LCOR: variants seen among roughly 807,000 people sequenced by gnomAD.
LCOR encodes the protein ligand-dependent corepressor.
A neutral mutation model predicts 64.4 loss-of-function variants in LCOR; 14 were observed. The ratio of observed to expected loss-of-function variants is 0.22; its 90% CI spans 0.14 to 0.34. The LOEUF is 0.34. LCOR is among the 10% of genes least tolerant of loss of function. The probability of loss-of-function intolerance (pLI) is 1.00; values close to 1 mark genes in which losing one functional copy is unlikely to be tolerated. For missense variants in LCOR, 1,686 were observed against 1,765.3 expected, an observed-to-expected ratio of 0.96 and a Z score of 0.80; for synonymous variants, 643 against 642.5, an observed-to-expected ratio of 1.00 and a Z score of -0.01.
At chr10:96,867,754 T>C (rs1845998417) in intron 2 of LCOR, among the ~76,000 whole-genome samples, 1 of 152,102 alleles carries the variant, frequency 6.6e-6, no homozygotes. Flanking sequence ...TAGATATATA[T>C]TTAATCTACT....
At chr10:96,851,473 T>C (rs1349834465) in intron 2 of LCOR, among the ~76,000 whole-genome samples, 1 of 152,176 alleles carries the variant, frequency 6.6e-6, no homozygotes, top group African/African-American at 2.4e-5. Context: ...ATAGTGACGA[T>C]GAAGATGGTG....
intron 2 of LCOR, among the ~76,000 whole-genome samples, chr10:96,852,527 A>T (rs1845737526): frequency 6.6e-6 from 1 of 152,256 alleles, no homozygotes; most frequent in South Asian, 2.1e-4. Context: ...TCCCCAAGAT[A>T]TCTCATTATG....
chr10:96,911,368 G>T (rs1421504770), intron 4 of LCOR, among the ~76,000 whole-genome samples: 1 of 152,088 alleles, frequency 6.6e-6, no homozygotes, highest in African/African-American at 2.4e-5. Flanking sequence ...AGAGTGCTGG[G>T]ATTACAGCGT....
At chr10:96,873,397 C>T (rs897778839) in intron 2 of LCOR, among the ~76,000 whole-genome samples, 16 of 152,054 alleles carry the variant, frequency 1.1e-4, no homozygotes, top group African/African-American at 3.9e-4. Context: ...CTTTTCATCA[C>T]TTTTTCCCTG....
Position 96,985,103 on chromosome 10 carries a change from A to G in LCOR, c.4643A>G (p.His1548Arg), listed in dbSNP as rs780043272. 1 of 1,604,802 alleles carries G rather than the reference A, an allele frequency of 6.2e-7. No individual in the cohort carries two copies. Among genetic ancestry groups the G allele is most frequent in the Admixed American group, 1.7e-5 (1 of 57,502 alleles). The change falls in exon 8 of 8, where the codon CAC becomes CGC. Residue 1548 changes from histidine to arginine, a missense_variant. Physicochemically the swap from His to Arg is conservative, Grantham distance 29. Transcript: ENST00000421806. ...RKLKAKLDCS[H>R]SKRRRLDAK ...CTGAAGGCAAAGCTGGACTGTTCGC[A>G]CAGCAAACGGAGGCGGCTGGATGCA...
rs374809805 is a variant in LCOR at position 96,982,587 on chromosome 10, T to C, written c.2127T>C (p.Ser709=). 15 of 1,614,152 alleles carry C rather than the reference T, an allele frequency of 9.3e-6. No homozygotes were observed. The highest frequency in any genetic ancestry group is 1.3e-5 in the Non-Finnish European group (15 of 1,180,028). ...GTCCTCAGTGCTCAGAAAATCAGAG[T>C]TCCCCAATGGGCTTGGAGCCCCCCA... is the stretch of plus-strand genomic sequence containing the variant. ...EESPQCSENQ[S]SPMGLEPPMS... Residue 709 remains serine, a synonymous_variant, in exon 8 of 8, where the codon AGT becomes AGC. Transcript: ENST00000421806.
chr10:96,862,090 ATTACAAAG>A (rs1845896723), intron 2 of LCOR, among the ~76,000 whole-genome samples: 1 of 152,196 alleles, frequency 6.6e-6, no homozygotes, highest in South Asian at 2.1e-4. Flanking sequence ...TATAAATGAT[ATTACAAAG>A]ATACAGGTGA....
intron 2 of LCOR, among the ~76,000 whole-genome samples, chr10:96,887,707 G>T (rs1182840274): frequency 1.3e-5 from 2 of 150,182 alleles, no homozygotes; most frequent in African/African-American, 2.5e-5. Context: ...AATTGAGACG[G>T]AGTTTTACTC....
At chr10:96,879,811 C>T (rs760460694) in intron 2 of LCOR, among the ~76,000 whole-genome samples, 13 of 152,086 alleles carry the variant, frequency 8.5e-5, no homozygotes, top group African/African-American at 2.4e-4. Context: ...TACAGGCGTG[C>T]GCCACCATGC....
chr10:96,923,858 T>C (rs1847122692), intron 4 of LCOR, among the ~76,000 whole-genome samples: 1 of 152,176 alleles, frequency 6.6e-6, no homozygotes, highest in Non-Finnish European at 1.5e-5. Flanking sequence ...ACAGGCTGTT[T>C]TTATAATACC....
chr10:96,877,331 C>T (rs1199767237), intron 2 of LCOR, among the ~76,000 whole-genome samples: 1 of 152,008 alleles, frequency 6.6e-6, no homozygotes, highest in Non-Finnish European at 1.5e-5. Context: ...CAAGACCAGA[C>T]TGGGCAACAT....
At chr10:96,858,656 T>C (rs1845841270) in intron 2 of LCOR, among the ~76,000 whole-genome samples, 1 of 152,222 alleles carries the variant, frequency 6.6e-6, no homozygotes, top group South Asian at 2.1e-4. Flanking sequence ...TTGGGGATGA[T>C]CATAATGTGG....
At position 96,833,158 on chromosome 10, in the gene LCOR, A is replaced by AG. The variant is rs1845376055; in HGVS notation, c.-403-243dup. 5.1e-6 allele frequency: 5 copies of AG among 971,282 alleles called. No individual in the cohort carries two copies. In the South Asian group the frequency reaches 1.4e-4, roughly 28 times the overall value. 60.2% of individuals were successfully genotyped at this position (971,282 alleles called of 1,614,324 possible). On this transcript the variant is annotated intron_variant, in intron 1 of 7. Coordinates refer to ENST00000421806, the MANE Select transcript of LCOR (RefSeq NM_001346516.2). ...GTGTTCGGTGTCGTGCTGCGGGAGG[A>AG]GGGGGTGGGACCGGGTCCGACCGAG...
In LCOR at chr10:96,994,162, A is replaced by G. The variant is rs1009540803; in HGVS notation, c.*9028A>G. The G allele has an allele frequency of 2.6e-5, 4 of 152,240 alleles. No individual in the cohort carries two copies. Among genetic ancestry groups the G allele is most frequent in the Non-Finnish European group, 5.9e-5 (4 of 68,042 alleles). 9.4% of individuals were successfully genotyped at this position (152,240 alleles called of 1,614,324 possible). A position where few individuals can be genotyped will look rare whatever the true frequency, so the allele number is the denominator to read the frequency against. On this transcript the variant is annotated 3_prime_UTR_variant, in exon 8 of 8. Coordinates refer to ENST00000421806, the MANE Select transcript of LCOR (RefSeq NM_001346516.2). ...TAGTTGAGGCAAAGCTCATTTGGCTATAGAGTAAATGTAAGACTTGTTACA... is the reference window on the plus strand; with the variant it reads ...TAGTTGAGGCAAAGCTCATTTGGCTGTAGAGTAAATGTAAGACTTGTTACA...
At chr10:96,907,548 T>A in intron 3 of LCOR, 120 bp from the exon 4 acceptor site, 4 of 305,882 alleles carry the variant, frequency 1.3e-5, no homozygotes, top group Non-Finnish European at 1.9e-5. Flanking sequence ...AGTTAAAATT[T>A]TTAAGACAAA....
chr10:96,987,270 G>C lies in LCOR; in HGVS notation c.*2136G>C, dbSNP rs1022578019. The C allele has an allele frequency of 6.6e-6, 1 of 152,200 alleles. No homozygotes were observed. Among genetic ancestry groups the C allele is most frequent in the East Asian group, 1.9e-4 (1 of 5,206 alleles). 9.4% of individuals were successfully genotyped at this position (152,200 alleles called of 1,614,324 possible). A position where few individuals can be genotyped will look rare whatever the true frequency, so the allele number is the denominator to read the frequency against. On this transcript the variant is annotated 3_prime_UTR_variant, in exon 8 of 8. Transcript: ENST00000421806. The stretch of plus-strand genomic sequence containing the variant: ...TTTCATATAGTTGTCACTGGATATT[G>C]TGTTTGTGGTGACTTAAACAGCTGA...
rs955298601 is a variant in LCOR, at chr10:96,991,674, C to G, written c.*6540C>G. 1 of 152,230 alleles carries G rather than the reference C, an allele frequency of 6.6e-6. No individual in the cohort carries two copies. Among genetic ancestry groups the G allele is most frequent in the Non-Finnish European group, 1.5e-5 (1 of 68,058 alleles). 9.4% of individuals were successfully genotyped at this position (152,230 alleles called of 1,614,324 possible). ...GACTTTCGAGTGCAGACCACACATT[C>G]TCTTAAAAATACCAGCATGTCTGTG... On this transcript the variant is annotated 3_prime_UTR_variant, in exon 8 of 8. Coordinates refer to ENST00000421806, the MANE Select transcript of LCOR (RefSeq NM_001346516.2).
chr10:96,920,471 T>C (rs1262480923), intron 4 of LCOR, among the ~76,000 whole-genome samples: 2 of 142,812 alleles, frequency 1.4e-5, no homozygotes, highest in Non-Finnish European at 3.0e-5. Flanking sequence ...CATATATGTG[T>C]ATATATATGT....
rs755162193 is a variant in LCOR, at chr10:96,982,824, G to A, written c.2364G>A (p.Thr788=). The A allele has an allele frequency of 5.4e-5, 87 of 1,613,922 alleles. 1 individual carries two copies. Among genetic ancestry groups the A allele is most frequent in the Middle Eastern group, 3.3e-4 (2 of 6,084 alleles). ...TAAAATGCCTGTCAGAAAAAGACAC[G>A]TATGATACAAGCATTGACTCACTCG... is the stretch of plus-strand genomic sequence containing the variant. ...GDVKCLSEKD[T]YDTSIDSLEE... The change falls in exon 8 of 8, where the codon ACG becomes ACA. Residue 788 remains threonine, a synonymous_variant. Coordinates refer to ENST00000421806, the MANE Select transcript of LCOR (RefSeq NM_001346516.2).
Sources: gnomAD v4.1 joint callset for allele counts (sites outside exome capture counted in the v4.1 genomes callset) on GRCh38, gnomAD v4.1.1 for gene constraint, MANE v1.5 for transcripts, NCBI Gene and HGNC (gene_info 2026-07-23, HGNC 2026-07-21) for gene names.